RGS6: variants seen among roughly 807,000 people sequenced by gnomAD.
The protein encoded by RGS6 is regulator of G protein signaling 6.
Under a neutral mutation model 78.5 loss-of-function variants are expected in RGS6, and 30 were observed. The ratio of observed to expected loss-of-function variants is 0.38; its 90% CI spans 0.29 to 0.52. RGS6 has a LOEUF of 0.52. RGS6 is among the 20% of genes least tolerant of loss of function. The probability of loss-of-function intolerance (pLI) is 0.85; values close to 1 mark genes in which losing one functional copy is unlikely to be tolerated. For missense variants in RGS6, 495 were observed against 609.7 expected (o/e 0.81, Z 1.98); for synonymous variants, 206 against 206.0 (o/e 1.00, Z 0.00).
At chr14:72,555,417 TG>T (rs1172773188) in intron 17 of RGS6, among the ~76,000 whole-genome samples, 1 of 152,214 alleles carries the variant, frequency 6.6e-6, no homozygotes, top group East Asian at 1.9e-4. Context: ...GATTTCCAAA[TG>T]GGATGAGGGG....
At chr14:72,326,784 T>A (rs2152548214) in intron 2 of RGS6, among the ~76,000 whole-genome samples, 1 of 152,352 alleles carries the variant, frequency 6.6e-6, no homozygotes, top group Non-Finnish European at 1.5e-5. Flanking sequence ...TTCGGCTCAC[T>A]GCAAGCTCCA....
chr14:72,626,925 C>CTTT, the RGS6 span, among the ~76,000 whole-genome samples: 32 of 139,770 alleles, frequency 2.3e-4, no homozygotes, highest in African/African-American at 6.5e-4. Flanking sequence ...TGCATTTGAA[C>CTTT]TTTTTTTTTT....
At chr14:72,422,632 A>T (rs1202938207) in intron 3 of RGS6, among the ~76,000 whole-genome samples, 1 of 152,150 alleles carries the variant, frequency 6.6e-6, no homozygotes, top group East Asian at 1.9e-4. Flanking sequence ...GTCCTTGTCC[A>T]AGATTGGGGA....
chr14:72,263,802 G>A (rs555113766), intron 2 of RGS6, among the ~76,000 whole-genome samples: 55 of 152,326 alleles, frequency 3.6e-4, no homozygotes, highest in African/African-American at 1.3e-3. Context: ...ACGAATGTCT[G>A]TTGTTTATCA....
intron 2 of RGS6, among the ~76,000 whole-genome samples, chr14:72,046,234 A>G (rs1434259287): frequency 7.6e-6 from 1 of 131,710 alleles, no homozygotes; most frequent in Admixed American, 7.8e-5. Context: ...AAACCTTATT[A>G]TGGCTTTAAT....
intron 2 of RGS6, among the ~76,000 whole-genome samples, chr14:71,968,929 ACT>A (rs1366063779): frequency 2.0e-5 from 3 of 151,830 alleles, no homozygotes; most frequent in Non-Finnish European, 2.9e-5. Flanking sequence ...GCACCCATTA[ACT>A]CTCATTTACA....
Position 72,530,963 on chromosome 14 carries a change from C to T in RGS6, c.1279-5223C>T, listed in dbSNP as rs117543826. ...ATGTATATTCGACTAATATCTGAGCCTGTGCTAGACAGTATGCATCTGTAA... is the reference window on the plus strand; with the variant it reads ...ATGTATATTCGACTAATATCTGAGCTTGTGCTAGACAGTATGCATCTGTAA... On this transcript the variant is annotated intron_variant, in intron 15 of 17. Transcript: ENST00000553525. 2.1e-5 allele frequency among the ~76,000 whole-genome samples: 3 copies of T among 142,768 alleles called. No homozygotes were observed. In the East Asian group the frequency reaches 6.4e-4, roughly 30 times the overall value. The allele number at this position is 142,768 out of a possible 152,430, so 93.7% of individuals were successfully genotyped here.
At chr14:72,547,235 G>A in intron 17 of RGS6, 2 of 1,535,664 alleles carry the variant, frequency 1.3e-6, no homozygotes, top group African/African-American at 1.4e-5. Context: ...TCCAATGGCA[G>A]GAGTCTGGCA....
chr14:72,539,931 T>G, intron 16 of RGS6, 110 bp from the exon 17 acceptor site: 2 of 959,686 alleles, frequency 2.1e-6, no homozygotes, highest in Non-Finnish European at 3.0e-6. Flanking sequence ...CATTTTGCTT[T>G]GGTTTTTGTT....
At position 72,175,159 on chromosome 14, in the gene RGS6, G is replaced by A. The variant is rs60818509; in HGVS notation, c.85-176936G>A. 8.0e-3 allele frequency among the ~76,000 whole-genome samples: 1,222 copies of A among 152,242 alleles called. 16 individuals carry two copies. Among genetic ancestry groups the A allele is most frequent in the African/African-American group, 0.027 (1,131 of 41,536 alleles). On this transcript the variant is annotated intron_variant, in intron 2 of 17. Transcript: ENST00000553525. The stretch of plus-strand genomic sequence containing the variant: ...TCCTGGCAGTTTTTTTGTTTTGACC[G>A]AGAGTCTTTCCTCCAAAAATCATTC...
chr14:72,152,049 G>T (rs2096698002), intron 2 of RGS6, among the ~76,000 whole-genome samples: 1 of 152,144 alleles, frequency 6.6e-6, no homozygotes, highest in African/African-American at 2.4e-5. Context: ...GGGATAATAT[G>T]CTTATTTGAT....
At chr14:72,492,914 A>G (rs982599508) in intron 12 of RGS6, among the ~76,000 whole-genome samples, 42 of 152,320 alleles carry the variant, frequency 2.8e-4, no homozygotes, top group African/African-American at 9.6e-4. Flanking sequence ...GTGGCAACAG[A>G]CACCATCTGG....
chr14:72,603,907 G>A, the RGS6 span, among the ~76,000 whole-genome samples: 1 of 152,180 alleles, frequency 6.6e-6, no homozygotes, highest in Admixed American at 6.5e-5. Context: ...GGGAAATGAG[G>A]AATGTAAGAA....
rs112669436 is a variant in RGS6, at chr14:72,153,116, G to T, written c.84+188241G>T. 4.1e-3 allele frequency among the ~76,000 whole-genome samples: 621 copies of T among 152,198 alleles called. 2 individuals carry two copies. The highest frequency in any genetic ancestry group is 0.014 in the African/African-American group (577 of 41,528). On this transcript the variant is annotated intron_variant, in intron 2 of 17. Transcript: ENST00000553525. The stretch of plus-strand genomic sequence containing the variant: ...TATTTGGCTGTCTCATTATGAATGG[G>T]ACAGGAGTGGGAAATTATCCCACTT...
chr14:72,420,553 A>T (rs1329051927), intron 3 of RGS6, among the ~76,000 whole-genome samples: 1 of 152,046 alleles, frequency 6.6e-6, no homozygotes, highest in Non-Finnish European at 1.5e-5. Context: ...CCTTTAATAA[A>T]CGTAAAACTT....
chr14:71,973,912 G>C (rs1054771498), intron 2 of RGS6, among the ~76,000 whole-genome samples: 1 of 152,184 alleles, frequency 6.6e-6, no homozygotes, highest in Non-Finnish European at 1.5e-5. Context: ...AGTGGTATCA[G>C]TGTCCACAGA....
chr14:71,956,351 G>A (rs931735742), intron 1 of RGS6, among the ~76,000 whole-genome samples: 64 of 65,812 alleles, frequency 9.7e-4, no homozygotes, highest in African/African-American at 4.3e-3. Context: ...GTGTGTGTGT[G>A]TGTGTGTATA....
At chr14:72,436,206 T>A (rs1250882060) in intron 3 of RGS6, among the ~76,000 whole-genome samples, 27 of 152,000 alleles carry the variant, frequency 1.8e-4, no homozygotes, top group Admixed American at 1.6e-3. Flanking sequence ...GATGATGCCA[T>A]GGAGCCACCT....
chr14:72,056,868 T>A (rs2093643106), intron 2 of RGS6, among the ~76,000 whole-genome samples: 1 of 152,250 alleles, frequency 6.6e-6, no homozygotes, highest in Admixed American at 6.5e-5. Flanking sequence ...CAAGGAAACA[T>A]TTGATCATGT....
Sources: allele counts gnomAD v4.1 joint callset (sites outside exome capture counted in the v4.1 genomes callset), GRCh38; gene constraint gnomAD v4.1.1; transcripts MANE v1.5; gene names NCBI Gene and HGNC (gene_info 2026-07-23, HGNC 2026-07-21).